Variants in MELTF observed in about 807,000 individuals in gnomAD.
The protein encoded by MELTF is melanotransferrin.
A neutral mutation model predicts 83.7 loss-of-function variants in MELTF; 67 were observed. The observed-to-expected ratio is 0.80, with a 90% CI of 0.66 to 0.98. The LOEUF is 0.98. Ranked by LOEUF, MELTF falls within the 50% of genes least tolerant of loss-of-function variation. The probability of loss-of-function intolerance (pLI) is 0.00; values close to 1 mark genes in which losing one functional copy is unlikely to be tolerated. For missense variants in MELTF, 1,002 were observed against 1,035.6 expected (o/e 0.97, Z 0.44); for synonymous variants, 462 against 447.6 (o/e 1.03, Z -0.41).
At chr3:197,023,201 C>T in intron 4 of MELTF, 88 bp from the exon 5 acceptor site, 1 of 1,322,652 alleles carries the variant, frequency 7.6e-7, no homozygotes, top group Middle Eastern at 2.2e-4. Context: ...CCCGGGCTCT[C>T]ATCTGGACTC....
rs183641584 is a variant in MELTF at position 197,017,783 on chromosome 3, A to T, written c.713-493T>A. 8.7e-3 allele frequency among the ~76,000 whole-genome samples: 1,332 copies of T among 152,260 alleles called. 28 individuals carry two copies. Among genetic ancestry groups the T allele is most frequent in the African/African-American group, 0.029 (1,211 of 41,578 alleles). ...TCCCAGCTACTGGGGAGGCTGAGGC[A>T]GGAGAATGGTGTGAACCTGGGAGGC... On this transcript the variant is annotated intron_variant, in intron 6 of 15. Coordinates refer to ENST00000296350, the MANE Select transcript of MELTF (RefSeq NM_005929.6).
At position 197,024,170 on chromosome 3, in the gene MELTF, G is replaced by T; in HGVS notation, c.487+133C>A. ...AGGCGGGGGAGGCACGGGGCGGGCG[G>T]GGGCTGCTGCGCCTTCCAGGAATGA... On this transcript the variant is annotated intron_variant, in intron 4 of 15. Transcript: ENST00000296350. This position sits in a 1 kb window ranked among gnomAD's most constrained non-coding sequence, Gnocchi z 5.3. The T allele has an allele frequency of 7.0e-6, 7 of 997,438 alleles. No homozygotes were observed. The highest frequency in any genetic ancestry group is 7.2e-6 in the Non-Finnish European group (5 of 694,582). The allele number at this position is 997,438 out of a possible 1,614,324, so 61.8% of individuals were successfully genotyped here.
chr3:197,017,657 C>T (rs1202275913), intron 6 of MELTF, among the ~76,000 whole-genome samples: 3 of 151,958 alleles, frequency 2.0e-5, no homozygotes, highest in Non-Finnish European at 4.4e-5. Flanking sequence ...GTGGGCGGAT[C>T]ACGAGGTCAG....
rs73082561 is a variant in MELTF, at chr3:197,011,112, G to A, written c.1234-318C>T. Among the ~76,000 whole-genome samples, 489 of 152,334 alleles carry A rather than the reference G, an allele frequency of 3.2e-3. 3 individuals are homozygous for A. Among genetic ancestry groups the A allele is most frequent in the African/African-American group, 8.8e-3 (366 of 41,582 alleles). The stretch of plus-strand genomic sequence containing the variant: ...CGCGATCCCTACCCTCATGCTTGGC[G>A]TGGGCCTCCCTGTGCCCTGCCAGCC... On this transcript the variant is annotated intron_variant, in intron 9 of 15. Transcript: ENST00000296350. This position sits in a 1 kb window ranked among gnomAD's most constrained non-coding sequence, Gnocchi z 4.2.
chr3:197,027,694 T>C (rs1309955868), intron 2 of MELTF, 62 bp downstream of exon 2: 6 of 1,539,602 alleles, frequency 3.9e-6, no homozygotes, highest in South Asian at 3.6e-5. Flanking sequence ...AATGGGGCTG[T>C]TGTGTGCTCC....
chr3:197,028,739 C>T (rs1378332118), intron 1 of MELTF: 1 of 152,558 alleles, frequency 6.6e-6, no homozygotes, highest in Non-Finnish European at 1.5e-5. Context: ...ACTTTCAGGC[C>T]TGAGCTCCTC....
intron 10 of MELTF, among the ~76,000 whole-genome samples, chr3:197,010,435 A>G (rs1019022036): frequency 5.3e-5 from 8 of 152,248 alleles, no homozygotes; most frequent in Non-Finnish European, 1.0e-4. Flanking sequence ...GGTTATTGAA[A>G]GAGAGACTGT....
chr3:197,024,334 G>C lies in MELTF; in HGVS notation c.456C>G (p.Arg152=), dbSNP rs138993633. 7 of 1,588,446 alleles carry C rather than the reference G, an allele frequency of 4.4e-6. No individual in the cohort carries two copies. In the African/African-American group the frequency reaches 8.1e-5, roughly 18 times the overall value. ...VPVGYLVESG[R]LSVMGCDVLK... ...GTACATCGCAGCCCATCACCGAGAG[G>C]CGGCCGCTCTCCACCAGGTAGCCCA... The change falls in exon 4 of 16, where the codon CGC becomes CGG. Residue 152 remains arginine, a synonymous_variant. Transcript: ENST00000296350. The surrounding 1 kb of genome is among the most constrained non-coding windows in gnomAD (Gnocchi z 5.3).
At chr3:197,012,939 T>A (rs1188281676) in intron 9 of MELTF, among the ~76,000 whole-genome samples, 1 of 152,252 alleles carries the variant, frequency 6.6e-6, no homozygotes, top group Non-Finnish European at 1.5e-5. Context: ...CATACATTTT[T>A]AAATTTCTAT....
chr3:197,017,984 G>A (rs181339061), intron 6 of MELTF, among the ~76,000 whole-genome samples: 6 of 152,334 alleles, frequency 3.9e-5, no homozygotes, highest in Non-Finnish European at 7.4e-5. Flanking sequence ...GGGGCAGGGG[G>A]CAGGGCTCCC....
chr3:197,011,543 C>A lies in MELTF; in HGVS notation c.1234-749G>T, dbSNP rs556918676. ...ACCTGTGCCCCAGGAAGGTGTCCCACGCCATTCCTGAAGAGGCATGAAGTG... is the reference window on the plus strand; with the variant it reads ...ACCTGTGCCCCAGGAAGGTGTCCCAAGCCATTCCTGAAGAGGCATGAAGTG... On this transcript the variant is annotated intron_variant, in intron 9 of 15. Transcript: ENST00000296350. The surrounding 1 kb of genome is among the most constrained non-coding windows in gnomAD (Gnocchi z 4.2). Among the ~76,000 whole-genome samples the A allele has an allele frequency of 6.6e-6, 1 of 152,162 alleles. No homozygotes were observed. Among genetic ancestry groups the A allele is most frequent in the African/African-American group, 2.4e-5 (1 of 41,430 alleles).
intron 14 of MELTF, among the ~76,000 whole-genome samples, chr3:197,005,797 G>A (rs1469529335): frequency 5.4e-5 from 5 of 92,760 alleles, no homozygotes. Context: ...CCTGTCTGGG[G>A]TAGTCTCCAT....
At chr3:197,020,710 C>T (rs1719585675) in intron 6 of MELTF, among the ~76,000 whole-genome samples, 1 of 151,880 alleles carries the variant, frequency 6.6e-6, no homozygotes, top group Admixed American at 6.6e-5. Context: ...CGCTCTGTCA[C>T]CAGGCTGGAG....
At position 197,024,412 on chromosome 3, in the gene MELTF, G is replaced by A. The variant is rs201448107; in HGVS notation, c.378C>T (p.Gly126=). Residue 126 remains glycine (G), a synonymous_variant, in exon 4 of 16, where the codon GGC becomes GGT. Transcript: ENST00000296350. The surrounding 1 kb of genome is among the most constrained non-coding windows in gnomAD (Gnocchi z 5.3). ...TGATGCCCGTGTGGCAGGACTTCAC[G>A]CCTTTCAGGGTGTCAATGGTCACAT... ...SSHVTIDTLK[G]VKSCHTGINR... The A allele has an allele frequency of 1.5e-4, 237 of 1,610,598 alleles. 1 individual carries two copies. The highest frequency in any genetic ancestry group is 3.3e-5 in the Admixed American group (2 of 59,932).
rs1374191550 is a variant in MELTF, at chr3:197,007,526, G to A, written c.1751-790C>T. Among the ~76,000 whole-genome samples the A allele has an allele frequency of 1.3e-5, 2 of 152,204 alleles. No homozygotes were observed. Among genetic ancestry groups the A allele is most frequent in the East Asian group, 3.8e-4 (2 of 5,196 alleles). ...ACCTCCCAAGGCCTCTCCAGCACCT[G>A]CCCGCCTCCCCTGACCCCATCCCAG... On this transcript the variant is annotated intron_variant, in intron 13 of 15. Coordinates refer to ENST00000296350, the MANE Select transcript of MELTF (RefSeq NM_005929.6). The surrounding 1 kb of genome is among the most constrained non-coding windows in gnomAD (Gnocchi z 4.3).
Position 197,015,380 on chromosome 3 carries a change from G to T in MELTF, c.1218C>A (p.Cys406Ter). The T allele has an allele frequency of 6.4e-7, 1 of 1,569,258 alleles. No homozygotes were observed. Among genetic ancestry groups the T allele is most frequent in the Non-Finnish European group, 8.6e-7 (1 of 1,157,444 alleles). ...TGACTCCCACCTGGATCCGCTCCATGCAGTGTTGGGGGGACTTGGCTGACA... is the reference window on the plus strand; with the variant it reads ...TGACTCCCACCTGGATCCGCTCCATTCAGTGTTGGGGGGACTTGGCTGACA... The part of the protein sequence containing the change: ...QCVSAKSPQH[C>*]MERIQAEQVD... The change falls in exon 9 of 16, where the codon TGC (cysteine) becomes TGA (stop). Residue 406 changes from cysteine (C) to a stop codon, truncating the protein, a stop_gained. Coordinates refer to ENST00000296350, the MANE Select transcript of MELTF (RefSeq NM_005929.6). LOFTEE classifies it high-confidence loss of function.
At chr3:197,017,732 C>T (rs1045364179) in intron 6 of MELTF, among the ~76,000 whole-genome samples, 3 of 152,098 alleles carry the variant, frequency 2.0e-5, no homozygotes, top group Admixed American at 6.5e-5. Flanking sequence ...AAAAAATTAG[C>T]TGGGCGTGGT....
chr3:197,004,431 T>TTTA, intron 14 of MELTF: 4 of 390,914 alleles, frequency 1.0e-5, no homozygotes, highest in South Asian at 2.4e-5. Flanking sequence ...TCCTGAGCGT[T>TTTA]CTGCTAGGCC....
rs1189901616 is a variant in MELTF at position 197,007,587 on chromosome 3, C to T, written c.1751-851G>A. On this transcript the variant is annotated intron_variant, in intron 13 of 15. Transcript: ENST00000296350. This position sits in a 1 kb window ranked among gnomAD's most constrained non-coding sequence, Gnocchi z 4.3. The stretch of plus-strand genomic sequence containing the variant: ...GCACAGATCTGGGACCAGGCAGGCC[C>T]GCTGGGCTCGTGCAGGAGCACACAG... Among the ~76,000 whole-genome samples, 1 of 152,198 alleles carries T rather than the reference C, an allele frequency of 6.6e-6. No homozygotes were observed. Among genetic ancestry groups the T allele is most frequent in the Admixed American group, 6.5e-5 (1 of 15,290 alleles).
Sources: allele counts gnomAD v4.1 joint callset (sites outside exome capture counted in the v4.1 genomes callset), GRCh38; gene constraint gnomAD v4.1.1; non-coding constraint Gnocchi (gnomAD v3.1); transcripts MANE v1.5; gene names NCBI Gene and HGNC (gene_info 2026-07-23, HGNC 2026-07-21).